The following SNTB1 variants were observed in gnomAD, a reference collection of about 807,000 sequenced individuals.
SNTB1 encodes beta-1-syntrophin.
SNTB1 carries 36 observed loss-of-function variants against 48.9 expected under a neutral mutation model. That is an observed-to-expected ratio of 0.74 (90% CI 0.56 to 0.97). The LOEUF (loss-of-function observed/expected upper bound fraction) is 0.97. Ranked by LOEUF, SNTB1 falls within the 50% of genes least tolerant of loss-of-function variation. SNTB1 has a pLI of 0.00. For missense variants in SNTB1, 786 were observed against 703.4 expected (o/e 1.12, Z -1.33); for synonymous variants, 299 against 294.6 (o/e 1.01, Z -0.15).
At chr8:120,682,203 A>G (rs1159682559) in intron 2 of SNTB1, among the ~76,000 whole-genome samples, 1 of 152,210 alleles carries the variant, frequency 6.6e-6, no homozygotes, top group Non-Finnish European at 1.5e-5. Flanking sequence ...GATAACAAAA[A>G]AAGAGAGGAA....
At chr8:120,654,751 T>C in intron 2 of SNTB1, 1 of 268,324 alleles carries the variant, frequency 3.7e-6, no homozygotes. Flanking sequence ...AGCCAAGTGA[T>C]ATTTCCCAGC....
At chr8:120,709,604 G>C (rs1430388214) in intron 1 of SNTB1, among the ~76,000 whole-genome samples, 1 of 152,106 alleles carries the variant, frequency 6.6e-6, no homozygotes, top group Non-Finnish European at 1.5e-5. Context: ...AGATCATACT[G>C]TTATCATTAA....
intron 1 of SNTB1, among the ~76,000 whole-genome samples, chr8:120,752,987 G>GAAA (rs60198716): frequency 2.7e-4 from 21 of 76,392 alleles, no homozygotes; most frequent in Non-Finnish European, 4.2e-4. Flanking sequence ...AAAGCTGGAA[G>GAAA]AAAAAAAAAA....
chr8:120,586,842 G>A (rs1388940691), intron 3 of SNTB1, among the ~76,000 whole-genome samples: 1 of 152,160 alleles, frequency 6.6e-6, no homozygotes, highest in Non-Finnish European at 1.5e-5. Context: ...TGGGCAAATG[G>A]GGGAAAGAAG....
intron 4 of SNTB1, among the ~76,000 whole-genome samples, chr8:120,551,309 T>C (rs1387669175): frequency 1.3e-5 from 2 of 150,244 alleles, no homozygotes; most frequent in Non-Finnish European, 3.0e-5. Flanking sequence ...CATGGTGTAA[T>C]GGTGAGCACT....
intron 2 of SNTB1, among the ~76,000 whole-genome samples, chr8:120,685,752 C>T (rs1300183487): frequency 6.6e-6 from 1 of 152,152 alleles, no homozygotes; most frequent in African/African-American, 2.4e-5. Flanking sequence ...TTAAGTGTTG[C>T]ATCTCTTTTG....
intron 1 of SNTB1, among the ~76,000 whole-genome samples, chr8:120,731,963 T>C (rs1163403501): frequency 1.3e-5 from 2 of 152,212 alleles, no homozygotes; most frequent in African/African-American, 4.8e-5. Flanking sequence ...ATGGGGGTAG[T>C]GTATAAGCAG....
At chr8:120,560,952 A>G (rs553933620) in intron 4 of SNTB1, among the ~76,000 whole-genome samples, 2 of 152,142 alleles carry the variant, frequency 1.3e-5, no homozygotes, top group Non-Finnish European at 1.5e-5. Flanking sequence ...CCACGGCTAT[A>G]TGACTACAGA....
intron 1 of SNTB1, among the ~76,000 whole-genome samples, chr8:120,803,247 C>A (rs1207012686): frequency 1.3e-5 from 2 of 152,132 alleles, no homozygotes; most frequent in Admixed American, 6.6e-5. Context: ...CCAACATAAT[C>A]ACTATTAATC....
At position 120,763,260 on chromosome 8, in the gene SNTB1, A is replaced by C. The variant is rs11993033; in HGVS notation, c.571+48013T>G. The stretch of plus-strand genomic sequence containing the variant: ...AAGTAAATTTCTTCTTGGAAAGTAG[A>C]TAGAGGACTGCAGAAATAAGAAATA... On this transcript the variant is annotated intron_variant, in intron 1 of 6. Transcript: ENST00000517992. 5.5e-3 allele frequency among the ~76,000 whole-genome samples: 833 copies of C among 152,340 alleles called. 2 individuals are homozygous for C. Among genetic ancestry groups the C allele is most frequent in the Middle Eastern group, 0.027 (8 of 294 alleles).
intron 1 of SNTB1, among the ~76,000 whole-genome samples, chr8:120,809,460 A>C (rs528530424): frequency 6.6e-6 from 1 of 152,144 alleles, no homozygotes; most frequent in Non-Finnish European, 1.5e-5. Context: ...TCTTTCTCTA[A>C]GTTTATTTTC....
intron 3 of SNTB1, among the ~76,000 whole-genome samples, chr8:120,581,103 AAAAAGAG>A (rs1816042470): frequency 6.7e-6 from 1 of 148,960 alleles, no homozygotes; most frequent in Non-Finnish European, 1.5e-5. Context: ...AAAAAAAAAA[AAAAAGAG>A]AAAGAAAAAG....
intron 1 of SNTB1, among the ~76,000 whole-genome samples, chr8:120,744,396 C>A (rs1317264086): frequency 6.6e-6 from 1 of 152,114 alleles, no homozygotes; most frequent in African/African-American, 2.4e-5. Context: ...TTGAGCTACA[C>A]AAGAAAACAA....
At chr8:120,767,560 C>G (rs575071624) in intron 1 of SNTB1, among the ~76,000 whole-genome samples, 88 of 152,310 alleles carry the variant, frequency 5.8e-4, no homozygotes, top group African/African-American at 2.1e-3. Context: ...CTGTTTAGAA[C>G]ATAGGCTCTA....
chr8:120,735,240 G>A (rs1249935764), intron 1 of SNTB1, among the ~76,000 whole-genome samples: 2 of 152,154 alleles, frequency 1.3e-5, no homozygotes, highest in African/African-American at 4.8e-5. Flanking sequence ...GAGTGGCTTG[G>A]AGGATGACAC....
At chr8:120,712,501 C>T (rs1157597264) in intron 1 of SNTB1, among the ~76,000 whole-genome samples, 3 of 151,666 alleles carry the variant, frequency 2.0e-5, no homozygotes, top group Non-Finnish European at 4.4e-5. Context: ...TCAACAATTC[C>T]TGTTACCAAA....
chr8:120,555,326 G>T (rs1383504625), intron 4 of SNTB1, among the ~76,000 whole-genome samples: 1 of 152,200 alleles, frequency 6.6e-6, no homozygotes, highest in Non-Finnish European at 1.5e-5. Context: ...GAATTTTATA[G>T]TCCGGTTTGA....
intron 1 of SNTB1, among the ~76,000 whole-genome samples, chr8:120,785,844 C>T (rs1819915243): frequency 6.6e-6 from 1 of 152,230 alleles, no homozygotes; most frequent in African/African-American, 2.4e-5. Context: ...ACAACATCTG[C>T]AGGCACAATA....
At chr8:120,792,257 A>G (rs1404251682) in intron 1 of SNTB1, among the ~76,000 whole-genome samples, 1 of 151,306 alleles carries the variant, frequency 6.6e-6, no homozygotes, top group African/African-American at 2.4e-5. Flanking sequence ...GGAACTGAAA[A>G]CTAAATACTG....
Sources: gnomAD v4.1 joint callset for allele counts (sites outside exome capture counted in the v4.1 genomes callset) on GRCh38, gnomAD v4.1.1 for gene constraint, MANE v1.5 for transcripts, NCBI Gene and HGNC (gene_info 2026-07-23, HGNC 2026-07-21) for gene names.